The following CPNE3 variants were observed in gnomAD, a reference collection of about 807,000 sequenced individuals.
CPNE3 encodes the protein copine-3.
In CPNE3, 68 loss-of-function variants were observed where a neutral mutation model predicts 63.9. That is an observed-to-expected ratio of 1.06 (90% CI 0.87 to 1.30). The LOEUF (loss-of-function observed/expected upper bound fraction) is 1.30. CPNE3 is among the 50% of genes most tolerant of loss of function. CPNE3 has a pLI of 0.00. For missense variants in CPNE3, 665 were observed against 578.1 expected, an observed-to-expected ratio of 1.15 and a Z score of -1.54; for synonymous variants, 219 against 197.5, an observed-to-expected ratio of 1.11 and a Z score of -0.91.
chr8:86,532,604 A>T, intron 6 of CPNE3, 24 bp downstream of exon 6: 1 of 1,588,682 alleles, frequency 6.3e-7, no homozygotes, highest in East Asian at 2.2e-5. Flanking sequence ...GCAGATTTCA[A>T]AAAGGTTGTC....
chr8:86,517,704 A>G (rs1001964403), intron 2 of CPNE3, among the ~76,000 whole-genome samples: 4 of 152,204 alleles, frequency 2.6e-5, no homozygotes, highest in African/African-American at 9.7e-5. Flanking sequence ...ACTGCCACCT[A>G]ATATACTATA....
intron 15 of CPNE3, among the ~76,000 whole-genome samples, chr8:86,555,372 T>C (rs1192020990): frequency 2.0e-5 from 3 of 152,234 alleles, no homozygotes; most frequent in Non-Finnish European, 2.9e-5. Context: ...CCATTACCTA[T>C]TGGACCGTGG....
chr8:86,529,098 G>A lies in CPNE3; in HGVS notation c.286G>A (p.Gly96Arg). 1 of 1,613,830 alleles carries A rather than the reference G, an allele frequency of 6.2e-7. No individual in the cohort carries two copies. Among genetic ancestry groups the A allele is most frequent in the South Asian group, 1.1e-5 (1 of 91,048 alleles). ...TIELSDDDFL[G>R]ECECTLGQIV... ...TGAGCTGAGTGATGATGACTTCTTA[G>A]GGGAATGTGAATGTACCCTTGGACA... The change falls in exon 4 of 17, where the codon GGG becomes AGG. Residue 96 changes from glycine (G) to arginine (R), a missense_variant. Coordinates refer to ENST00000517490, the MANE Select transcript of CPNE3 (RefSeq NM_003909.5).
intron 14 of CPNE3, among the ~76,000 whole-genome samples, chr8:86,553,739 T>C (rs558720941): frequency 2.7e-5 from 4 of 148,652 alleles, no homozygotes; most frequent in Admixed American, 2.0e-4. Context: ...CCTGTTTTGA[T>C]TTACATTAAG....
intron 8 of CPNE3, among the ~76,000 whole-genome samples, chr8:86,544,102 G>A (rs1420892484): frequency 6.6e-6 from 1 of 152,010 alleles, no homozygotes; most frequent in Admixed American, 6.6e-5. Flanking sequence ...TGGAAATAGA[G>A]TAAATATGAC....
intron 4 of CPNE3, among the ~76,000 whole-genome samples, chr8:86,529,547 C>T (rs1440353766): frequency 6.6e-6 from 1 of 152,168 alleles, no homozygotes; most frequent in East Asian, 1.9e-4. Context: ...TGCTCTTACT[C>T]AACCTTATTC....
intron 9 of CPNE3, 73 bp downstream of exon 9, chr8:86,544,911 C>A: frequency 1.2e-6 from 1 of 837,622 alleles, no homozygotes; most frequent in Non-Finnish European, 1.8e-6. Context: ...TCATTTTTTT[C>A]CCATAGCATC....
intron 16 of CPNE3, 116 bp downstream of exon 16, chr8:86,556,454 T>C: frequency 2.7e-6 from 2 of 733,106 alleles, no homozygotes; most frequent in Non-Finnish European, 4.9e-6. Flanking sequence ...AACACTTTCC[T>C]TTGTCCATTT....
chr8:86,553,259 T>A (rs558411952), intron 14 of CPNE3, among the ~76,000 whole-genome samples: 36 of 152,178 alleles, frequency 2.4e-4, no homozygotes, highest in Non-Finnish European at 5.0e-4. Context: ...GAATTAGTTA[T>A]GTTCTCAAAG....
chr8:86,558,211 A>G (rs1821363393), intron 16 of CPNE3, 77 bp from the exon 17 acceptor site: 15 of 854,250 alleles, frequency 1.8e-5, no homozygotes, highest in Admixed American at 5.2e-5. Context: ...TGGCTGCTGA[A>G]GTATCCCTAG....
chr8:86,550,889 A>G (rs935604082), intron 12 of CPNE3, 157 bp from the exon 13 acceptor site: 2 of 682,326 alleles, frequency 2.9e-6, no homozygotes, highest in Middle Eastern at 4.3e-4. Flanking sequence ...AGAGTTGTCA[A>G]ATATTAACAT....
chr8:86,559,525 C>A lies in CPNE3; in HGVS notation c.*1115C>A, dbSNP rs1169956680. 2 of 152,082 alleles carry A rather than the reference C, an allele frequency of 1.3e-5. No homozygotes were observed. Among genetic ancestry groups the A allele is most frequent in the Non-Finnish European group, 2.9e-5 (2 of 67,990 alleles). The allele number at this position is 152,082 out of a possible 1,614,324, so 9.4% of individuals were successfully genotyped here. On this transcript the variant is annotated 3_prime_UTR_variant, in exon 17 of 17. Transcript: ENST00000517490. ...TTTACAATTTAATAATGTGATATTT[C>A]CTATGTCTACAGCATACCTTATTAG... is the stretch of plus-strand genomic sequence containing the variant.
At position 86,551,306 on chromosome 8, in the gene CPNE3, CTTTGTTT is replaced by C. The variant is rs113687317; in HGVS notation, c.1120+76_1120+82del. The stretch of plus-strand genomic sequence containing the variant: ...AGTCTTTGTTATTTTGTTCTTTGTT[CTTTGTTT>C]TTTTTCTTGTGATTAAAACTACTCA... On this transcript the variant is annotated intron_variant, in intron 14 of 16. Transcript: ENST00000517490. 6.7e-5 allele frequency: 73 copies of C among 1,093,020 alleles called. 1 individual carries two copies. In the African/African-American group the frequency reaches 7.1e-4, roughly 11 times the overall value. 67.7% of individuals were successfully genotyped at this position (1,093,020 alleles called of 1,614,324 possible).
At chr8:86,523,443 C>G (rs1354954750) in intron 2 of CPNE3, among the ~76,000 whole-genome samples, 1 of 152,084 alleles carries the variant, frequency 6.6e-6, no homozygotes, top group Non-Finnish European at 1.5e-5. Flanking sequence ...TCGCTGCCCA[C>G]AGTTCACAGT....
rs959722097 is a variant in CPNE3 at position 86,560,221 on chromosome 8, T to C, written c.*1811T>C. On this transcript the variant is annotated 3_prime_UTR_variant, in exon 17 of 17. Coordinates refer to ENST00000517490, the MANE Select transcript of CPNE3 (RefSeq NM_003909.5). ...TTCTGATTGTTTGGAGCCATAGTTG[T>C]CTCAGATGTTCTAATTCTCTTTGTA... 5.9e-5 allele frequency: 9 copies of C among 152,222 alleles called. No individual in the cohort carries two copies. Among genetic ancestry groups the C allele is most frequent in the African/African-American group, 2.2e-4 (9 of 41,458 alleles). The allele number at this position is 152,222 out of a possible 1,614,324, so 9.4% of individuals were successfully genotyped here.
Position 86,544,743 on chromosome 8 carries a change from G to C in CPNE3, c.637G>C (p.Glu213Gln). Reference protein sequence around the residue: ...YGDMDKTIKVECYDYDNDGSH... With the variant: ...YGDMDKTIKVQCYDYDNDGSH... ...TTTTTATTATATTTAATTTCAGGTG[G>C]AGTGTTATGATTATGACAATGATGG... is the stretch of plus-strand genomic sequence containing the variant. Residue 213 changes from glutamate (E) to glutamine (Q), a missense_variant, in exon 9 of 17, where the codon GAG (glutamate) becomes CAG (glutamine). Glu to Gln is a conservative substitution (Grantham distance 29). Transcript: ENST00000517490. The C allele has an allele frequency of 1.4e-6, 2 of 1,410,910 alleles. 1 individual carries two copies. Among genetic ancestry groups the C allele is most frequent in the South Asian group, 3.5e-5 (2 of 57,796 alleles). 87.4% of individuals were successfully genotyped at this position (1,410,910 alleles called of 1,614,324 possible). A position where few individuals can be genotyped will look rare whatever the true frequency, so the allele number is the denominator to read the frequency against.
At chr8:86,544,213 A>C (rs1821002128) in intron 8 of CPNE3, among the ~76,000 whole-genome samples, 1 of 152,160 alleles carries the variant, frequency 6.6e-6, no homozygotes, top group Non-Finnish European at 1.5e-5. Flanking sequence ...ATCTGGCTTC[A>C]TCATATCTAA....
At chr8:86,529,207 A>G in intron 4 of CPNE3, 83 bp downstream of exon 4, 1 of 1,229,988 alleles carries the variant, frequency 8.1e-7, no homozygotes, top group Non-Finnish European at 1.1e-6. Context: ...GCAGCATTTA[A>G]TTTTTAAAGT....
At chr8:86,539,463 A>T (rs1408840413) in intron 7 of CPNE3, among the ~76,000 whole-genome samples, 2 of 152,150 alleles carry the variant, frequency 1.3e-5, no homozygotes, top group Non-Finnish European at 1.5e-5. Flanking sequence ...GCTAAGAAAT[A>T]TGTATATTTG....
Sources: allele counts gnomAD v4.1 joint callset (sites outside exome capture counted in the v4.1 genomes callset), GRCh38; gene constraint gnomAD v4.1.1; transcripts MANE v1.5; gene names NCBI Gene and HGNC (gene_info 2026-07-23, HGNC 2026-07-21).